ADCK1: variants seen among roughly 807,000 people sequenced by gnomAD.
ADCK1 encodes aarF domain-containing protein kinase 1.
Under a neutral mutation model 52.3 loss-of-function variants are expected in ADCK1, and 41 were observed. That is an observed-to-expected ratio of 0.78 (90% CI 0.61 to 1.02). The LOEUF is 1.02. Among genes scored for constraint, ADCK1 ranks in the 50% least tolerant of loss-of-function variants. ADCK1 has a pLI of 0.00. For missense variants in ADCK1, 658 were observed against 679.5 expected, an observed-to-expected ratio of 0.97 and a Z score of 0.35; for synonymous variants, 250 against 274.6, an observed-to-expected ratio of 0.91 and a Z score of 0.89.
chr14:77,830,154 T>C (rs2081811328), intron 3 of ADCK1, among the ~76,000 whole-genome samples: 1 of 151,134 alleles, frequency 6.6e-6, no homozygotes, highest in Non-Finnish European at 1.5e-5. Context: ...CTTTTTTTTT[T>C]TTAGACAGGG....
intron 3 of ADCK1, among the ~76,000 whole-genome samples, chr14:77,852,673 A>ATATATATATATATATATATATAT (rs2082317876): frequency 1.7e-4 from 3 of 18,128 alleles, no homozygotes; most frequent in South Asian, 1.5e-3. Context: ...ATATATATAT[A>ATATATATATATATATATATATAT]TATATATATA....
intron 2 of ADCK1, among the ~76,000 whole-genome samples, 194 bp from the exon 3 acceptor site, chr14:77,822,241 G>A (rs2081598073): frequency 6.6e-6 from 1 of 152,184 alleles, no homozygotes; most frequent in African/African-American, 2.4e-5. Flanking sequence ...TGCAGAGGTG[G>A]CATTTGCACA....
chr14:77,918,742 G>C (rs1307943409), intron 7 of ADCK1, among the ~76,000 whole-genome samples: 1 of 152,170 alleles, frequency 6.6e-6, no homozygotes, highest in Non-Finnish European at 1.5e-5. Context: ...TGTTCAACCA[G>C]CTCCCTAGAG....
At chr14:77,830,218 A>G (rs918490682) in intron 3 of ADCK1, among the ~76,000 whole-genome samples, 38 of 151,024 alleles carry the variant, frequency 2.5e-4, no homozygotes, top group African/African-American at 7.2e-4. Flanking sequence ...GCTCACGGCA[A>G]CCTCCGTTCA....
chr14:77,866,989 C>T (rs1250296501), intron 4 of ADCK1, among the ~76,000 whole-genome samples: 1 of 152,214 alleles, frequency 6.6e-6, no homozygotes, highest in African/African-American at 2.4e-5. Flanking sequence ...GATCCAACTT[C>T]TCCCCATCCT....
At chr14:77,932,614 A>G (rs1373304011) in intron 10 of ADCK1, among the ~76,000 whole-genome samples, 1 of 152,224 alleles carries the variant, frequency 6.6e-6, no homozygotes. Flanking sequence ...TATATCACGT[A>G]CCCACTATCA....
chr14:77,910,414 G>A (rs950705742), intron 7 of ADCK1, among the ~76,000 whole-genome samples: 1 of 152,054 alleles, frequency 6.6e-6, no homozygotes, highest in South Asian at 2.1e-4. Flanking sequence ...TACATGGGAG[G>A]TGTTCAAGCA....
intron 3 of ADCK1, among the ~76,000 whole-genome samples, chr14:77,858,634 A>G (rs1454705740): frequency 1.3e-5 from 2 of 152,252 alleles, no homozygotes; most frequent in South Asian, 4.1e-4. Flanking sequence ...AAAAGATACC[A>G]TACATATGAC....
At chr14:77,833,682 G>A (rs776970970) in intron 3 of ADCK1, among the ~76,000 whole-genome samples, 14 of 152,130 alleles carry the variant, frequency 9.2e-5, no homozygotes, top group Non-Finnish European at 1.8e-4. Flanking sequence ...GAGCCTTGAC[G>A]TGACCTGGGG....
At chr14:77,806,197 A>T (rs1018794730) in intron 1 of ADCK1, among the ~76,000 whole-genome samples, 15 of 151,748 alleles carry the variant, frequency 9.9e-5, no homozygotes, top group African/African-American at 3.6e-4. Flanking sequence ...AAGTGTTGGG[A>T]TTACAGGTGT....
intron 6 of ADCK1, among the ~76,000 whole-genome samples, chr14:77,904,419 C>T (rs1184704586): frequency 6.6e-6 from 1 of 152,270 alleles, no homozygotes; most frequent in Non-Finnish European, 1.5e-5. Context: ...AGCCTGACTC[C>T]AAATCTGCCG....
chr14:77,826,887 C>T (rs1425737309), intron 3 of ADCK1, among the ~76,000 whole-genome samples: 2 of 152,090 alleles, frequency 1.3e-5, no homozygotes, highest in Non-Finnish European at 2.9e-5. Context: ...ATTCAGGAAA[C>T]CTGAGCACCA....
rs2084416458 is a variant in ADCK1 at position 77,934,909 on chromosome 14, T to A, written c.*1518T>A. 6.6e-6 allele frequency: 1 copy of A among 152,262 alleles called. No homozygotes were observed. The highest frequency in any genetic ancestry group is 1.5e-5 in the Non-Finnish European group (1 of 68,050). 9.4% of individuals were successfully genotyped at this position (152,262 alleles called of 1,614,324 possible). A position where few individuals can be genotyped will look rare whatever the true frequency, so the allele number is the denominator to read the frequency against. Reference sequence around the variant, plus strand: ...GGATGCACCCAGGGACCTGAGAGTATAATTTGCAATATCTGATTATTAATC... The same window carrying A: ...GGATGCACCCAGGGACCTGAGAGTAAAATTTGCAATATCTGATTATTAATC... On this transcript the variant is annotated 3_prime_UTR_variant, in exon 11 of 11. Transcript: ENST00000238561.
At chr14:77,879,540 G>A (rs111921405) in intron 4 of ADCK1, among the ~76,000 whole-genome samples, 4 of 152,188 alleles carry the variant, frequency 2.6e-5, no homozygotes, top group African/African-American at 9.7e-5. Flanking sequence ...TATGTTTCTA[G>A]CAGAGGGAGG....
chr14:77,830,720 GAAA>G (rs1156372083), intron 3 of ADCK1, among the ~76,000 whole-genome samples: 1 of 141,378 alleles, frequency 7.1e-6, no homozygotes, highest in Non-Finnish European at 1.6e-5. Context: ...TTATGAGAGA[GAAA>G]AAGAACAGGA....
At chr14:77,895,883 C>G (rs1471064157) in intron 5 of ADCK1, among the ~76,000 whole-genome samples, 1 of 152,026 alleles carries the variant, frequency 6.6e-6, no homozygotes, top group Non-Finnish European at 1.5e-5. Flanking sequence ...AATTGGTGAC[C>G]TCCTATAAAG....
intron 3 of ADCK1, among the ~76,000 whole-genome samples, chr14:77,841,747 G>A (rs1043951671): frequency 6.6e-6 from 1 of 151,210 alleles, no homozygotes; most frequent in Non-Finnish European, 1.5e-5. Flanking sequence ...GGGAGGCTGA[G>A]GCAGGAGAAT....
chr14:77,807,081 T>TG (rs2081243054), intron 1 of ADCK1, among the ~76,000 whole-genome samples: 1 of 140,440 alleles, frequency 7.1e-6, no homozygotes, highest in Non-Finnish European at 1.5e-5. Context: ...TTTTTTTTTT[T>TG]TTTTTGAGAC....
chr14:77,834,569 G>T (rs890185285), intron 3 of ADCK1, among the ~76,000 whole-genome samples: 1 of 152,220 alleles, frequency 6.6e-6, no homozygotes, highest in Non-Finnish European at 1.5e-5. Context: ...CTAAAGCAGT[G>T]ATCTTTTCCA....
Sources: gnomAD v4.1 joint callset for allele counts (sites outside exome capture counted in the v4.1 genomes callset) on GRCh38, gnomAD v4.1.1 for gene constraint, MANE v1.5 for transcripts, NCBI Gene and HGNC (gene_info 2026-07-23, HGNC 2026-07-21) for gene names.